Variants in PACS2 observed in about 807,000 individuals in gnomAD.
The protein encoded by PACS2 is PACS1-like protein.
PACS2 carries 36 observed loss-of-function variants against 113.0 expected under a neutral mutation model. The ratio of observed to expected loss-of-function variants is 0.32; its 90% CI spans 0.24 to 0.42. The LOEUF is 0.42. PACS2 is among the 10% of genes least tolerant of loss of function. The pLI, the probability that PACS2 is intolerant of heterozygous loss-of-function variation, is 1.00. For missense variants in PACS2, 1,015 were observed against 1,239.5 expected, an observed-to-expected ratio of 0.82 and a Z score of 2.72; for synonymous variants, 589 against 536.1, an observed-to-expected ratio of 1.10 and a Z score of -1.36.
intron 20 of PACS2, chr14:105,390,767 CTG>C (rs1357092977): frequency 2.2e-5 from 5 of 228,276 alleles, no homozygotes; most frequent in Non-Finnish European, 3.5e-5. Context: ...CAAGAGTACA[CTG>C]TGCTCGGGCA....
In PACS2 at chr14:105,368,533, G is replaced by A. The variant is rs2061030980; in HGVS notation, c.735G>A (p.Met245Ile). Residue 245 changes from methionine (M) to isoleucine (I), a missense_variant, in exon 7 of 25, where the codon ATG becomes ATA. By Grantham distance (10) the Met-to-Ile change is conservative (BLOSUM62 1). Around this residue, in one of 3 missense-constraint regions of PACS2, gnomAD observed 859 missense variants for 1,056.8 expected, o/e 0.81. Transcript: ENST00000447393. Reference sequence around the variant, plus strand: ...GATCGATTGTAAGAACGACGTCCATGACCAGGGTTGGTGGAGACTGCTTCT... The same window carrying A: ...GATCGATTGTAAGAACGACGTCCATAACCAGGGTTGGTGGAGACTGCTTCT... ...QRRSIVRTTS[M>I]TRQQNFKQKV... The A allele has an allele frequency of 6.2e-7, 1 of 1,613,156 alleles. No individual in the cohort carries two copies. The highest frequency in any genetic ancestry group is 1.3e-5 in the African/African-American group (1 of 74,926).
chr14:105,333,846 G>T (rs1031646888), intron 1 of PACS2, among the ~76,000 whole-genome samples: 1 of 151,858 alleles, frequency 6.6e-6, no homozygotes, highest in African/African-American at 2.4e-5. Context: ...GGCCTGCAGT[G>T]TGAGGCGTGG....
chr14:105,369,707 T>G (rs1247845883), intron 7 of PACS2, 134 bp from the exon 8 acceptor site: 4 of 690,218 alleles, frequency 5.8e-6, no homozygotes, highest in Non-Finnish European at 1.0e-5. Context: ...AGCGAATCCA[T>G]CAGCGTGGCT....
At chr14:105,390,323 C>T (rs781896577) in intron 20 of PACS2, 15 of 403,872 alleles carry the variant, frequency 3.7e-5, no homozygotes, top group African/African-American at 1.0e-4. Flanking sequence ...ACTGCCTGCC[C>T]GGGTTGGGGA....
At chr14:105,352,261 C>T in intron 2 of PACS2, 117 bp from the exon 3 acceptor site, 1 of 715,402 alleles carries the variant, frequency 1.4e-6, no homozygotes, top group South Asian at 1.6e-5. Flanking sequence ...GCCTACCACC[C>T]CCAGACTGCA....
chr14:105,347,318 C>T (rs114474483), intron 1 of PACS2, among the ~76,000 whole-genome samples: 54 of 152,140 alleles, frequency 3.5e-4, no homozygotes, highest in African/African-American at 1.3e-3. Context: ...CTCCCGTTGC[C>T]TGGGGGCAGG....
chr14:105,398,102 T>C lies in PACS2; in HGVS notation c.*3430T>C, dbSNP rs903456620. 38 of 152,240 alleles carry C rather than the reference T, an allele frequency of 2.5e-4. No homozygotes were observed. Among genetic ancestry groups the C allele is most frequent in the African/African-American group, 8.9e-4 (37 of 41,456 alleles). 9.4% of individuals were successfully genotyped at this position (152,240 alleles called of 1,614,324 possible). A position where few individuals can be genotyped will look rare whatever the true frequency, so the allele number is the denominator to read the frequency against. Reference sequence around the variant, plus strand: ...ATGTCACGTATGTGACCGTGTGGACTATTTCAAGGTGCTGATGCAACACTA... The same window carrying C: ...ATGTCACGTATGTGACCGTGTGGACCATTTCAAGGTGCTGATGCAACACTA... On this transcript the variant is annotated 3_prime_UTR_variant, in exon 25 of 25. Coordinates refer to ENST00000447393, the MANE Select transcript of PACS2 (RefSeq NM_001100913.3).
Position 105,382,923 on chromosome 14 carries a change from G to T in PACS2, c.1625+10G>T. On this transcript the variant is annotated intron_variant, in intron 15 of 24. Coordinates refer to ENST00000447393, the MANE Select transcript of PACS2 (RefSeq NM_001100913.3). ...CACGGATACAGAGATAGTGAGTTGG[G>T]CTCCACCCTGTACTCACCACCCAAG... 1 of 1,533,028 alleles carries T rather than the reference G, an allele frequency of 6.5e-7. No individual in the cohort carries two copies. Among genetic ancestry groups the T allele is most frequent in the Non-Finnish European group, 9.0e-7 (1 of 1,114,908 alleles). 95.0% of individuals were successfully genotyped at this position (1,533,028 alleles called of 1,614,324 possible).
At chr14:105,301,612 C>G (rs2058032154) in intron 1 of PACS2, among the ~76,000 whole-genome samples, 1 of 152,250 alleles carries the variant, frequency 6.6e-6, no homozygotes, top group East Asian at 1.9e-4. Flanking sequence ...GTCCGCCGCT[C>G]CGCTCGCCCA....
At chr14:105,363,036 G>C (rs1398041700) in intron 4 of PACS2, among the ~76,000 whole-genome samples, 3 of 152,192 alleles carry the variant, frequency 2.0e-5, no homozygotes, top group African/African-American at 4.8e-5. Flanking sequence ...CAAGCAATAG[G>C]TCTCATAGTG....
Position 105,386,733 on chromosome 14 carries a change from T to A in PACS2, c.2033+1016T>A, listed in dbSNP as rs143012544. ...TTGCTGGCCTAGGAGCTGCTCGAAG[T>A]GGGCAGCCTGGGACCACCCACAGCT... On this transcript the variant is annotated intron_variant, in intron 19 of 24. Coordinates refer to ENST00000447393, the MANE Select transcript of PACS2 (RefSeq NM_001100913.3). Among the ~76,000 whole-genome samples the A allele has an allele frequency of 1.7e-3, 266 of 152,212 alleles. 2 individuals carry two copies. The highest frequency in any genetic ancestry group is 6.3e-3 in the African/African-American group (260 of 41,542).
At chr14:105,316,894 G>A (rs892003658) in intron 1 of PACS2, among the ~76,000 whole-genome samples, 4 of 147,376 alleles carry the variant, frequency 2.7e-5, no homozygotes, top group Non-Finnish European at 5.9e-5. Flanking sequence ...GTTAATGGGC[G>A]GAGGGGCGAG....
intron 1 of PACS2, among the ~76,000 whole-genome samples, chr14:105,316,011 C>A (rs952253666): frequency 3.9e-5 from 6 of 152,192 alleles, no homozygotes; most frequent in African/African-American, 1.4e-4. Context: ...TTGTTCCACC[C>A]CTAGTCAGCT....
rs1233474846 is a variant in PACS2, at chr14:105,317,104, T to G, written c.119+2067T>G. The stretch of plus-strand genomic sequence containing the variant: ...GTTTTGCTTTGTTCCTCCTGAGTTC[T>G]TCTGTACTCCTCACTTTTGCCCAGC... On this transcript the variant is annotated intron_variant, in intron 1 of 24. Transcript: ENST00000447393. This position sits in a 1 kb window ranked among gnomAD's most constrained non-coding sequence, Gnocchi z 4.2. Among the ~76,000 whole-genome samples, 2 of 152,138 alleles carry G rather than the reference T, an allele frequency of 1.3e-5. No individual in the cohort carries two copies. Among genetic ancestry groups the G allele is most frequent in the Non-Finnish European group, 1.5e-5 (1 of 68,032 alleles).
chr14:105,361,107 G>A (rs587729452), intron 4 of PACS2, among the ~76,000 whole-genome samples: 2 of 152,274 alleles, frequency 1.3e-5, no homozygotes, highest in East Asian at 1.9e-4. Flanking sequence ...AGTCATCCAC[G>A]AGAGAGTTGG....
Position 105,368,057 on chromosome 14 carries a change from G to C in PACS2, c.587-17G>C. On this transcript the variant is annotated splice_polypyrimidine_tract_variant and intron_variant, in intron 5 of 24. Coordinates refer to ENST00000447393, the MANE Select transcript of PACS2 (RefSeq NM_001100913.3). ...GGAATCTCACGGCACCCTCCCTTCT[G>C]TCTGTTCATTCCGCAGATAACTACT... The C allele has an allele frequency of 6.3e-7, 1 of 1,577,640 alleles. No individual in the cohort carries two copies. Among genetic ancestry groups the C allele is most frequent in the Non-Finnish European group, 8.7e-7 (1 of 1,147,242 alleles).
chr14:105,388,282 C>T (rs1214897580), intron 19 of PACS2, among the ~76,000 whole-genome samples: 3 of 152,198 alleles, frequency 2.0e-5, no homozygotes, highest in African/African-American at 7.2e-5. Flanking sequence ...CTCACACTGG[C>T]GCTGCGAAGA....
In PACS2 at chr14:105,323,276, C is replaced by T. The variant is rs920469375; in HGVS notation, c.119+8239C>T. On this transcript the variant is annotated intron_variant, in intron 1 of 24. Coordinates refer to ENST00000447393, the MANE Select transcript of PACS2 (RefSeq NM_001100913.3). This position sits in a 1 kb window ranked among gnomAD's most constrained non-coding sequence, Gnocchi z 4.1. ...TCTCACCTCTGGAGCAACAATTGGA[C>T]GTGTTGCTCTTCCTGCCGGATCCTC... is the stretch of plus-strand genomic sequence containing the variant. Among the ~76,000 whole-genome samples the T allele has an allele frequency of 5.3e-5, 8 of 152,198 alleles. No homozygotes were observed. Among genetic ancestry groups the T allele is most frequent in the Admixed American group, 3.3e-4 (5 of 15,280 alleles).
Position 105,366,592 on chromosome 14 carries a change from CAGA to C in PACS2, c.424-620_424-618del, listed in dbSNP as rs1368678036. Among the ~76,000 whole-genome samples, 1 of 152,194 alleles carries C rather than the reference CAGA, an allele frequency of 6.6e-6. No homozygotes were observed. Among genetic ancestry groups the C allele is most frequent in the Non-Finnish European group, 1.5e-5 (1 of 68,036 alleles). On this transcript the variant is annotated intron_variant, in intron 4 of 24. Transcript: ENST00000447393. This position sits in a 1 kb window ranked among gnomAD's most constrained non-coding sequence, Gnocchi z 4.3. ...GCTCCGTGGTTTGAGTGCCTCACAA[CAGA>C]GGAGCTGGACCTGGCCTGTGAGCCA...
Sources: gnomAD v4.1 joint callset for allele counts (sites outside exome capture counted in the v4.1 genomes callset) on GRCh38, gnomAD v4.1.1 for gene constraint, gnomAD v4.1.1 regional missense constraint, Gnocchi (gnomAD v3.1) non-coding constraint, MANE v1.5 for transcripts, NCBI Gene and HGNC (gene_info 2026-07-23, HGNC 2026-07-21) for gene names.